The following PTPRK variants were observed in gnomAD, a reference collection of about 807,000 sequenced individuals.
The protein encoded by PTPRK is protein tyrosine phosphatase receptor type K, also known as receptor-type tyrosine-protein phosphatase kappa.
PTPRK carries 75 observed loss-of-function variants against 178.0 expected under a neutral mutation model. That is an observed-to-expected ratio of 0.42 (90% CI 0.35 to 0.51). PTPRK has a LOEUF of 0.51. PTPRK is among the 20% of genes least tolerant of loss of function. The probability of loss-of-function intolerance (pLI) is 0.02; values close to 1 mark genes in which losing one functional copy is unlikely to be tolerated. For synonymous variants in PTPRK, 637 were observed against 620.6 expected (o/e 1.03, Z -0.39); for missense variants, 1,441 against 1,797.8 (o/e 0.80, Z 3.59).
chr6:128,000,041 G>C lies in PTPRK; in HGVS notation c.2495-1137C>G, dbSNP rs1485255673. 7 of 961,968 alleles carry C rather than the reference G, an allele frequency of 7.3e-6. No individual in the cohort carries two copies. In the Admixed American group the frequency reaches 2.4e-4, roughly 34 times the overall value. The allele number at this position is 961,968 out of a possible 1,614,324, so 59.6% of individuals were successfully genotyped here. A position where few individuals can be genotyped will look rare whatever the true frequency, so the allele number is the denominator to read the frequency against. ...ACCGAAGTACTAAACATTACAACGA[G>C]AAGCATGCTCATATTTATCACATTT... On this transcript the variant is annotated intron_variant, in intron 15 of 29. Transcript: ENST00000368226.
At position 128,083,399 on chromosome 6, in the gene PTPRK, T is replaced by G. The variant is rs369913686; in HGVS notation, c.1575+316A>C. ...TTTCTTAAATTTATAAAAAGGAAAATGAGGGTTTTTTAATATGTGATTATT... is the reference window on the plus strand; with the variant it reads ...TTTCTTAAATTTATAAAAAGGAAAAGGAGGGTTTTTTAATATGTGATTATT... On this transcript the variant is annotated intron_variant, in intron 9 of 29. Coordinates refer to ENST00000368226, the MANE Select transcript of PTPRK (RefSeq NM_002844.4). Among the ~76,000 whole-genome samples, 28 of 152,072 alleles carry G rather than the reference T, an allele frequency of 1.8e-4. No individual in the cohort carries two copies. In the East Asian group the frequency reaches 5.0e-3, roughly 27 times the overall value.
intron 21 of PTPRK, among the ~76,000 whole-genome samples, chr6:127,990,350 C>T (rs1413361644): frequency 6.6e-6 from 1 of 152,054 alleles, no homozygotes; most frequent in Admixed American, 6.6e-5. Flanking sequence ...TAACCCGTCA[C>T]TCCCTCACTT....
intron 1 of PTPRK, among the ~76,000 whole-genome samples, chr6:128,505,197 G>A (rs561065113): frequency 4.3e-4 from 63 of 148,046 alleles, no homozygotes; most frequent in Middle Eastern, 3.6e-3. Context: ...TCTGCCTCCC[G>A]GGTTCATGCG....
rs535110387 is a variant in PTPRK at position 127,987,244 on chromosome 6, AC to A, written c.3097-1370del. 5.2e-3 allele frequency among the ~76,000 whole-genome samples: 765 copies of A among 146,676 alleles called. 10 individuals are homozygous for A. Among genetic ancestry groups the A allele is most frequent in the Non-Finnish European group, 4.5e-3 (302 of 66,778 alleles). ...TTTCAAATATGTGGTTAAAAAAACA[AC>A]CCCCCCCATTTTCTTGTTCTAAATA... On this transcript the variant is annotated intron_variant, in intron 21 of 29. Transcript: ENST00000368226.
intron 3 of PTPRK, among the ~76,000 whole-genome samples, chr6:128,259,659 C>CA (rs1284070847): frequency 6.6e-6 from 1 of 151,978 alleles, no homozygotes; most frequent in East Asian, 1.9e-4. Context: ...TAGAGAGAGG[C>CA]AAAAAATTTC....
intron 11 of PTPRK, among the ~76,000 whole-genome samples, chr6:128,078,027 T>A (rs1784143977): frequency 6.6e-6 from 1 of 152,062 alleles, no homozygotes; most frequent in Non-Finnish European, 1.5e-5. Flanking sequence ...CAATCATTCA[T>A]ATGAAATTAT....
intron 1 of PTPRK, among the ~76,000 whole-genome samples, chr6:128,504,290 A>T (rs1323407951): frequency 6.6e-6 from 1 of 152,174 alleles, no homozygotes; most frequent in Non-Finnish European, 1.5e-5. Context: ...TGAAAGCAAC[A>T]GGAAAAACTC....
chr6:128,053,011 T>G (rs1170160200), intron 13 of PTPRK, among the ~76,000 whole-genome samples: 1 of 152,104 alleles, frequency 6.6e-6, no homozygotes, highest in Non-Finnish European at 1.5e-5. Context: ...GTTCCAGCCC[T>G]GGAATGAGCC....
intron 13 of PTPRK, among the ~76,000 whole-genome samples, chr6:128,053,507 A>G (rs947368786): frequency 9.9e-5 from 15 of 151,992 alleles, no homozygotes; most frequent in African/African-American, 3.4e-4. Flanking sequence ...TGCGTCCCTG[A>G]CAAGTCCCCT....
intron 3 of PTPRK, among the ~76,000 whole-genome samples, chr6:128,299,160 C>A (rs1353823617): frequency 1.3e-5 from 2 of 152,094 alleles, no homozygotes; most frequent in Admixed American, 6.5e-5. Context: ...ATCCAACTTA[C>A]AAGGGACGTG....
At chr6:128,458,260 G>C (rs1248487064) in intron 1 of PTPRK, among the ~76,000 whole-genome samples, 1 of 151,986 alleles carries the variant, frequency 6.6e-6, no homozygotes, top group Non-Finnish European at 1.5e-5. Flanking sequence ...AAGGAAACAG[G>C]GCCAGTATAC....
chr6:128,177,974 G>T (rs188390856), intron 7 of PTPRK, among the ~76,000 whole-genome samples: 1 of 151,768 alleles, frequency 6.6e-6, no homozygotes, highest in East Asian at 1.9e-4. Context: ...TGTCCATATA[G>T]ATTTCCTATA....
chr6:127,977,889 C>CAATAAT (rs1013898763), intron 25 of PTPRK, among the ~76,000 whole-genome samples: 1 of 151,944 alleles, frequency 6.6e-6, no homozygotes, highest in Admixed American at 6.6e-5. Flanking sequence ...TAATTATTTG[C>CAATAAT]AATAATAATA....
chr6:128,440,430 A>G (rs368794346), intron 1 of PTPRK, among the ~76,000 whole-genome samples: 1 of 152,338 alleles, frequency 6.6e-6, no homozygotes, highest in African/African-American at 2.4e-5. Context: ...AAACAATGCA[A>G]TTAACTCATG....
At chr6:128,192,550 T>C (rs772899332) in intron 6 of PTPRK, among the ~76,000 whole-genome samples, 4 of 152,112 alleles carry the variant, frequency 2.6e-5, no homozygotes, top group Non-Finnish European at 5.9e-5. Context: ...CTGGGAGCAG[T>C]GGCTCATGCC....
At position 128,082,528 on chromosome 6, in the gene PTPRK, G is replaced by T. The variant is rs749453569; in HGVS notation, c.1686C>A (p.His562Gln). The change falls in exon 10 of 30, where the codon CAC becomes CAA. Residue 562 changes from histidine to glutamine, a missense_variant. His to Gln is a conservative substitution (Grantham distance 24). This residue lies in a region of PTPRK where 945 missense variants were observed against 1,080.6 expected (regional missense o/e 0.87). Transcript: ENST00000368226. ...NSTHHVFMHLHPGTTYQFFIR... is the reference protein window; with the variant it reads ...NSTHHVFMHLQPGTTYQFFIR... ...TGAAAAACTGGTACGTGGTTCCAGGGTGGAGATGCATAAAGACATGGTGTG... is the reference window on the plus strand; with the variant it reads ...TGAAAAACTGGTACGTGGTTCCAGGTTGGAGATGCATAAAGACATGGTGTG... 6.2e-7 allele frequency: 1 copy of T among 1,613,140 alleles called. No individual in the cohort carries two copies. Among genetic ancestry groups the T allele is most frequent in the African/African-American group, 1.3e-5 (1 of 74,992 alleles).
intron 13 of PTPRK, among the ~76,000 whole-genome samples, chr6:128,044,221 C>A (rs1239783682): frequency 6.6e-6 from 1 of 152,002 alleles, no homozygotes; most frequent in Non-Finnish European, 1.5e-5. Context: ...GTCGCACATG[C>A]CAAAAACCTA....
chr6:128,412,764 C>T (rs775467539), intron 1 of PTPRK, among the ~76,000 whole-genome samples: 2 of 152,300 alleles, frequency 1.3e-5, no homozygotes, highest in Admixed American at 6.5e-5. Flanking sequence ...TAATGGCTTC[C>T]GGTTGGCCCA....
At chr6:128,069,779 G>A (rs1782499129) in intron 11 of PTPRK, among the ~76,000 whole-genome samples, 1 of 151,838 alleles carries the variant, frequency 6.6e-6, no homozygotes, top group Non-Finnish European at 1.5e-5. Context: ...CTATTACATT[G>A]ACAGAGATTC....
Sources: gnomAD v4.1 joint callset for allele counts (sites outside exome capture counted in the v4.1 genomes callset) on GRCh38, gnomAD v4.1.1 for gene constraint, gnomAD v4.1.1 regional missense constraint, MANE v1.5 for transcripts, NCBI Gene and HGNC (gene_info 2026-07-23, HGNC 2026-07-21) for gene names.